Variants in NACC2 observed in about 807,000 individuals in gnomAD.
NACC2 encodes the protein nucleus accumbens-associated protein 2.
A neutral mutation model predicts 25.1 loss-of-function variants in NACC2; 8 were observed. That is an observed-to-expected ratio of 0.32 (90% confidence interval 0.19 to 0.57). The LOEUF (loss-of-function observed/expected upper bound fraction) is 0.57. Ranked by LOEUF, NACC2 falls within the 20% of genes least tolerant of loss-of-function variation. NACC2 has a pLI of 0.89. For synonymous variants in NACC2, 435 were observed against 294.7 expected, an observed-to-expected ratio of 1.48 and a Z score of -4.88; for missense variants, 644 against 650.2, an observed-to-expected ratio of 0.99 and a Z score of 0.10.
intron 2 of NACC2, among the ~76,000 whole-genome samples, chr9:136,029,742 C>T (rs138911367): frequency 1.2e-4 from 18 of 152,306 alleles, no homozygotes; most frequent in African/African-American, 3.6e-4. Flanking sequence ...AGGGAGCCGG[C>T]GCCTGTGCCA....
intron 1 of NACC2, among the ~76,000 whole-genome samples, chr9:136,076,883 G>T (rs368814974): frequency 6.6e-6 from 1 of 151,910 alleles, no homozygotes; most frequent in Non-Finnish European, 1.5e-5. Context: ...GGTGGCGGGC[G>T]CCTGTAGTCC....
At position 136,086,719 on chromosome 9, in the gene NACC2, G is replaced by GC. The variant is rs1564244594; in HGVS notation, c.-60+8469dup. On this transcript the variant is annotated intron_variant, in intron 1 of 5. Coordinates refer to ENST00000277554, the MANE Select transcript of NACC2 (RefSeq NM_144653.5). This position sits in a 1 kb window ranked among gnomAD's most constrained non-coding sequence, Gnocchi z 5.6. Reference sequence around the variant, plus strand: ...CTAGGAAAACCCTCCCCGACCAGTGGCCCCGTTTCCCTCCCACGACCCCCG... The same window carrying GC: ...CTAGGAAAACCCTCCCCGACCAGTGGCCCCCGTTTCCCTCCCACGACCCCCG... Among the ~76,000 whole-genome samples, 1 of 152,130 alleles carries GC rather than the reference G, an allele frequency of 6.6e-6. No homozygotes were observed. The highest frequency in any genetic ancestry group is 2.4e-5 in the African/African-American group (1 of 41,424).
At position 136,067,024 on chromosome 9, in the gene NACC2, GCGGATCACCTGAGGT is replaced by G. The variant is rs948698724; in HGVS notation, c.-59-16459_-59-16445del. Among the ~76,000 whole-genome samples, 217 of 152,254 alleles carry G rather than the reference GCGGATCACCTGAGGT, an allele frequency of 1.4e-3. 1 individual carries two copies. The highest frequency in any genetic ancestry group is 2.3e-3 in the Non-Finnish European group (155 of 68,016). On this transcript the variant is annotated intron_variant, in intron 1 of 5. Coordinates refer to ENST00000277554, the MANE Select transcript of NACC2 (RefSeq NM_144653.5). ...CCAGCACTTTGGGAGGTCAAGGCAG[GCGGATCACCTGAGGT>G]CGGGAGTTCGAGACCAGCCTCGGCA...
chr9:136,043,976 C>T (rs1840683230), intron 2 of NACC2, among the ~76,000 whole-genome samples: 1 of 152,140 alleles, frequency 6.6e-6, no homozygotes, highest in Non-Finnish European at 1.5e-5. Context: ...AAGCGTGCAT[C>T]ACCACACCCG....
chr9:136,049,572 C>T, intron 2 of NACC2, 64 bp downstream of exon 2: 1 of 721,914 alleles, frequency 1.4e-6, no homozygotes, highest in South Asian at 1.5e-5. Flanking sequence ...TCCTGAGCCA[C>T]CCGGGTCCCA....
chr9:136,070,597 G>C (rs977740009), intron 1 of NACC2, among the ~76,000 whole-genome samples: 13 of 151,048 alleles, frequency 8.6e-5, no homozygotes, highest in African/African-American at 3.2e-4. Context: ...AAAATTTATA[G>C]CATTAATGGA....
At chr9:136,065,191 A>G (rs1564236558) in intron 1 of NACC2, among the ~76,000 whole-genome samples, 1 of 152,232 alleles carries the variant, frequency 6.6e-6, no homozygotes, top group Non-Finnish European at 1.5e-5. Flanking sequence ...CAACAAAAGG[A>G]AAGAACAAAC....
rs2131161874 is a variant in NACC2 at position 136,049,650 on chromosome 9, G to A, written c.872C>T (p.Ser291Phe). The A allele has an allele frequency of 2.6e-6, 2 of 777,422 alleles. No individual in the cohort carries two copies. Among genetic ancestry groups the A allele is most frequent in the Non-Finnish European group, 4.8e-6 (2 of 416,698 alleles). 48.2% of individuals were successfully genotyped at this position (777,422 alleles called of 1,614,324 possible). A position where few individuals can be genotyped will look rare whatever the true frequency, so the allele number is the denominator to read the frequency against. ...CGCCGCGTTACCTGCATAGCTGCCG[G>A]AGGCCTTGATGTACATCTGGCCGTA... ...EQYGQMYIKA[S>F]GSYAVQEKPE... The change falls in exon 2 of 6, where the codon TCC becomes TTC. Residue 291 changes from serine to phenylalanine, a missense_variant. Ser to Phe is a radical substitution (Grantham distance 155, BLOSUM62 -2). Transcript: ENST00000277554.
intron 2 of NACC2, among the ~76,000 whole-genome samples, chr9:136,045,898 G>A (rs1840715570): frequency 6.6e-6 from 1 of 152,098 alleles, no homozygotes; most frequent in African/African-American, 2.4e-5. Flanking sequence ...CCCACCCCAA[G>A]CCCAGCCCCA....
Position 136,083,142 on chromosome 9 carries a change from C to A in NACC2, c.-60+12047G>T, listed in dbSNP as rs141470306. Among the ~76,000 whole-genome samples, 1,259 of 152,334 alleles carry A rather than the reference C, an allele frequency of 8.3e-3. 6 individuals carry two copies. The highest frequency in any genetic ancestry group is 0.014 in the Non-Finnish European group (962 of 68,030). On this transcript the variant is annotated intron_variant, in intron 1 of 5. Coordinates refer to ENST00000277554, the MANE Select transcript of NACC2 (RefSeq NM_144653.5). ...TCCTCGATGCCAGAAACGGGGCCAC[C>A]CTGCTGGAGCGGAGGCTGTTGACAT... is the stretch of plus-strand genomic sequence containing the variant.
chr9:136,045,018 T>G (rs1213400265), intron 2 of NACC2, among the ~76,000 whole-genome samples: 2 of 152,214 alleles, frequency 1.3e-5, no homozygotes, highest in Non-Finnish European at 2.9e-5. Flanking sequence ...TGTGCTGCTG[T>G]GTGCCACGAC....
At chr9:136,034,473 A>C (rs1840522902) in intron 2 of NACC2, among the ~76,000 whole-genome samples, 1 of 152,210 alleles carries the variant, frequency 6.6e-6, no homozygotes, top group Non-Finnish European at 1.5e-5. Flanking sequence ...TAAATATGTA[A>C]ATTCCTAGCT....
At chr9:136,093,723 G>A (rs546619748) in intron 1 of NACC2, among the ~76,000 whole-genome samples, 3 of 151,646 alleles carry the variant, frequency 2.0e-5, no homozygotes, top group Non-Finnish European at 2.9e-5. Context: ...ACGCCAAGAG[G>A]CCTCTTTAAG....
chr9:136,024,736 G>A (rs1371215310), intron 2 of NACC2, among the ~76,000 whole-genome samples: 1 of 152,094 alleles, frequency 6.6e-6, no homozygotes, highest in Non-Finnish European at 1.5e-5. Context: ...GGATATGAGG[G>A]AGCAGCCAAT....
intron 1 of NACC2, among the ~76,000 whole-genome samples, chr9:136,068,318 C>G (rs781491160): frequency 6.6e-6 from 1 of 151,452 alleles, no homozygotes; most frequent in Non-Finnish European, 1.5e-5. Flanking sequence ...GTCAACATGG[C>G]AAAACCCTGT....
rs370072274 is a variant in NACC2, at chr9:136,081,317, G to A, written c.-60+13872C>T. Among the ~76,000 whole-genome samples, 7 of 152,200 alleles carry A rather than the reference G, an allele frequency of 4.6e-5. No homozygotes were observed. The East Asian group carries it at 9.7e-4, about 21-fold the overall frequency. ...AACTGTAGAGTAACCGGAACGACCT[G>A]CACACCACACACCCCCAACCAAGAT... On this transcript the variant is annotated intron_variant, in intron 1 of 5. Transcript: ENST00000277554.
At chr9:136,015,798 G>A (rs1840190826) in intron 3 of NACC2, among the ~76,000 whole-genome samples, 1 of 152,154 alleles carries the variant, frequency 6.6e-6, no homozygotes, top group Admixed American at 6.5e-5. Context: ...GAGCTATGAC[G>A]CCAAAGGAAT....
At chr9:136,041,811 TG>T (rs1234545051) in intron 2 of NACC2, among the ~76,000 whole-genome samples, 6 of 152,186 alleles carry the variant, frequency 3.9e-5, no homozygotes, top group Admixed American at 3.9e-4. Flanking sequence ...TATTAAAAGC[TG>T]GGGGAAATTA....
intron 1 of NACC2, among the ~76,000 whole-genome samples, chr9:136,074,645 C>T (rs1830239450): frequency 1.3e-5 from 2 of 151,890 alleles, no homozygotes; most frequent in Admixed American, 6.6e-5. Flanking sequence ...CCTCAAGGAA[C>T]CTATCTCTGG....
Sources: allele counts gnomAD v4.1 joint callset (sites outside exome capture counted in the v4.1 genomes callset), GRCh38; gene constraint gnomAD v4.1.1; non-coding constraint Gnocchi (gnomAD v3.1); transcripts MANE v1.5; gene names NCBI Gene and HGNC (gene_info 2026-07-23, HGNC 2026-07-21).